The following CDYL2 variants were observed in gnomAD, a reference collection of about 807,000 sequenced individuals.
CDYL2 encodes the protein chromodomain Y-like protein 2.
A neutral mutation model predicts 49.4 loss-of-function variants in CDYL2; 23 were observed. The ratio of observed to expected loss-of-function variants is 0.47; its 90% CI spans 0.34 to 0.66. The LOEUF is 0.66. Ranked by LOEUF, CDYL2 falls within the 30% of genes least tolerant of loss-of-function variation. The probability of loss-of-function intolerance (pLI) is 0.01; values close to 1 mark genes in which losing one functional copy is unlikely to be tolerated. For synonymous variants in CDYL2, 360 were observed against 268.8 expected, an observed-to-expected ratio of 1.34 and a Z score of -3.32; for missense variants, 678 against 656.4, an observed-to-expected ratio of 1.03 and a Z score of -0.36.
At chr16:80,663,132 C>T (rs1909116804) in intron 2 of CDYL2, among the ~76,000 whole-genome samples, 1 of 150,482 alleles carries the variant, frequency 6.6e-6, no homozygotes, top group Admixed American at 6.7e-5. Context: ...CTAAAAGACA[C>T]AGGTGCAAAG....
Position 80,737,298 on chromosome 16 carries a change from T to C in CDYL2, c.25-52169A>G, listed in dbSNP as rs181090526. ...GTTTCCTTTCTGGTATAGTGGCTTT[T>C]ACTTAATGTGCTGCTCTGTGCTAAG... On this transcript the variant is annotated intron_variant, in intron 1 of 6. Coordinates refer to ENST00000570137, the MANE Select transcript of CDYL2 (RefSeq NM_152342.4). Among the ~76,000 whole-genome samples, 8 of 152,314 alleles carry C rather than the reference T, an allele frequency of 5.3e-5. No individual in the cohort carries two copies. The East Asian group carries it at 1.5e-3, about 29-fold the overall frequency.
At chr16:80,704,002 C>G (rs1452378025) in intron 1 of CDYL2, among the ~76,000 whole-genome samples, 1 of 152,120 alleles carries the variant, frequency 6.6e-6, no homozygotes, top group African/African-American at 2.4e-5. Flanking sequence ...TACAGGATAG[C>G]GGAAGTGTGC....
intron 1 of CDYL2, among the ~76,000 whole-genome samples, chr16:80,732,892 T>A (rs535970875): frequency 5.3e-5 from 8 of 152,168 alleles, no homozygotes; most frequent in Non-Finnish European, 8.8e-5. Context: ...AGTTGATGAA[T>A]GGAAAATACA....
rs1431229091 is a variant in CDYL2 at position 80,741,498 on chromosome 16, T to TA, written c.25-56370_25-56369insT. On this transcript the variant is annotated intron_variant, in intron 1 of 6. Transcript: ENST00000570137. ...TTAAAAAAACATTATGGGGAAAATA[T>TA]TTGCAGCATAGGTGGTAAAGTTATT... 1.4e-3 allele frequency among the ~76,000 whole-genome samples: 212 copies of TA among 152,234 alleles called. 1 individual carries two copies. Among genetic ancestry groups the TA allele is most frequent in the African/African-American group, 4.9e-3 (204 of 41,558 alleles).
chr16:80,675,679 G>A lies in CDYL2; in HGVS notation c.616+8859C>T, dbSNP rs140620494. Among the ~76,000 whole-genome samples, 962 of 151,572 alleles carry A rather than the reference G, an allele frequency of 6.3e-3. 5 individuals are homozygous for A. Among genetic ancestry groups the A allele is most frequent in the Non-Finnish European group, 9.7e-3 (656 of 67,716 alleles). ...TCAACAGGGAGAGCGGCTTTTCACC[G>A]ACATTAGGAGGTGAAGTTTTATTAT... On this transcript the variant is annotated intron_variant, in intron 2 of 6. Transcript: ENST00000570137.
chr16:80,699,210 T>C (rs1286115361), intron 1 of CDYL2, among the ~76,000 whole-genome samples: 1 of 152,234 alleles, frequency 6.6e-6, no homozygotes, highest in Middle Eastern at 3.2e-3. Context: ...TGTACTCTCA[T>C]GTTTACTGCA....
chr16:80,690,711 C>T (rs759821571), intron 1 of CDYL2, among the ~76,000 whole-genome samples: 7 of 152,266 alleles, frequency 4.6e-5, no homozygotes, highest in South Asian at 4.2e-4. Context: ...CCCTCAACTC[C>T]TGCCAATTTC....
chr16:80,734,989 A>G (rs989173804), intron 1 of CDYL2: 1 of 152,096 alleles, frequency 6.6e-6, no homozygotes, highest in African/African-American at 2.4e-5. Flanking sequence ...TGTTTCCTTC[A>G]TCAATTCCAT....
chr16:80,748,420 G>C (rs1004708553), intron 1 of CDYL2, among the ~76,000 whole-genome samples: 2 of 145,962 alleles, frequency 1.4e-5, no homozygotes, highest in Non-Finnish European at 3.0e-5. Context: ...CCAGCTACTT[G>C]GGAGGCTGAG....
At position 80,641,994 on chromosome 16, in the gene CDYL2, T is replaced by A. The variant is rs1410803192; in HGVS notation, c.617-8758A>T. The stretch of plus-strand genomic sequence containing the variant: ...AGAAAAAAACGGAATACTATAACAT[T>A]GTAACTGTGGGATGTAAACTACTCT... On this transcript the variant is annotated intron_variant, in intron 2 of 6. Transcript: ENST00000570137. Among the ~76,000 whole-genome samples, 6 of 151,814 alleles carry A rather than the reference T, an allele frequency of 4.0e-5. No homozygotes were observed. In the South Asian group the frequency reaches 1.2e-3, roughly 32 times the overall value.
intron 1 of CDYL2, among the ~76,000 whole-genome samples, chr16:80,685,369 T>C (rs1012657007): frequency 6.6e-6 from 1 of 152,194 alleles, no homozygotes; most frequent in African/African-American, 2.4e-5. Context: ...ATGATGACGC[T>C]AGATGACACG....
At chr16:80,656,299 C>A (rs1908808479) in intron 2 of CDYL2, among the ~76,000 whole-genome samples, 1 of 152,228 alleles carries the variant, frequency 6.6e-6, no homozygotes, top group African/African-American at 2.4e-5. Flanking sequence ...TACTCCCAAC[C>A]CCACACCCAG....
In CDYL2 at chr16:80,651,262, A is replaced by T. The variant is rs1908570631; in HGVS notation, c.617-18026T>A. 1.3e-5 allele frequency among the ~76,000 whole-genome samples: 2 copies of T among 152,178 alleles called. 1 individual carries two copies. The highest frequency in any genetic ancestry group is 4.8e-5 in the African/African-American group (2 of 41,442). On this transcript the variant is annotated intron_variant, in intron 2 of 6. Transcript: ENST00000570137. ...TATGTAACCACAAAAATTAAAAATA[A>T]TTTTTTAAAAAAGTTAGCTATCAAG...
chr16:80,705,268 C>T (rs187983382), intron 1 of CDYL2, among the ~76,000 whole-genome samples: 3 of 152,316 alleles, frequency 2.0e-5, no homozygotes, highest in African/African-American at 7.2e-5. Flanking sequence ...CAGGTAAGAC[C>T]GTCCCTCAGG....
At chr16:80,728,952 C>T (rs866349682) in intron 1 of CDYL2, among the ~76,000 whole-genome samples, 96 of 151,440 alleles carry the variant, frequency 6.3e-4, no homozygotes, top group African/African-American at 2.1e-3. Flanking sequence ...CTGAAGGAAG[C>T]GCTAAACATG....
chr16:80,791,469 A>G (rs116213437), intron 1 of CDYL2, among the ~76,000 whole-genome samples: 641 of 152,360 alleles, frequency 4.2e-3, no homozygotes, highest in African/African-American at 0.015. Flanking sequence ...TTTAGAAAAT[A>G]AGATACTACA....
intron 1 of CDYL2, among the ~76,000 whole-genome samples, chr16:80,766,791 A>T (rs1001354416): frequency 4.6e-5 from 7 of 152,332 alleles, no homozygotes; most frequent in Non-Finnish European, 8.8e-5. Flanking sequence ...AACATCACAA[A>T]ATGGAGAGTA....
Position 80,804,232 on chromosome 16 carries a change from C to G in CDYL2, c.-59G>C. 2.3e-6 allele frequency: 3 copies of G among 1,320,312 alleles called. No homozygotes were observed. The highest frequency in any genetic ancestry group is 3.0e-6 in the Non-Finnish European group (3 of 1,006,362). The allele number at this position is 1,320,312 out of a possible 1,614,324, so 81.8% of individuals were successfully genotyped here. On this transcript the variant is annotated 5_prime_UTR_variant, in exon 1 of 7. Coordinates refer to ENST00000570137, the MANE Select transcript of CDYL2 (RefSeq NM_152342.4). ...CGTCTGCTCGCTCGCGCCCTCCGTG[C>G]GTGTGCGCGCGGGGTCCGGTGTGCG...
At chr16:80,659,134 A>T (rs1037686670) in intron 2 of CDYL2, among the ~76,000 whole-genome samples, 1 of 152,154 alleles carries the variant, frequency 6.6e-6, no homozygotes, top group South Asian at 2.1e-4. Flanking sequence ...GACAGATGAG[A>T]TGGATAAGAA....
Sources: allele counts gnomAD v4.1 joint callset (sites outside exome capture counted in the v4.1 genomes callset), GRCh38; gene constraint gnomAD v4.1.1; transcripts MANE v1.5; gene names NCBI Gene and HGNC (gene_info 2026-07-23, HGNC 2026-07-21).